DLGAP2: variants seen among roughly 807,000 people sequenced by gnomAD.
DLGAP2 encodes disks large-associated protein 2.
Under a neutral mutation model 100.3 loss-of-function variants are expected in DLGAP2, and 26 were observed. The observed-to-expected ratio is 0.26, with a 90% confidence interval of 0.19 to 0.36. DLGAP2 has a LOEUF of 0.36. Among genes scored for constraint, DLGAP2 ranks in the 10% least tolerant of loss-of-function variants. The pLI is 1.00. For synonymous variants in DLGAP2, 886 were observed against 630.1 expected (o/e 1.41, Z -6.08); for missense variants, 1,858 against 1,453.2 (o/e 1.28, Z -4.53).
At chr8:1,220,429 G>A (rs1339307346) in intron 2 of DLGAP2, among the ~76,000 whole-genome samples, 2 of 152,122 alleles carry the variant, frequency 1.3e-5, no homozygotes, top group African/African-American at 4.8e-5. Context: ...AATGTTCTTG[G>A]TGTTGATCTC....
At chr8:1,430,882 A>T (rs1374366288) in intron 3 of DLGAP2, among the ~76,000 whole-genome samples, 2 of 152,236 alleles carry the variant, frequency 1.3e-5, no homozygotes, top group East Asian at 3.8e-4. Flanking sequence ...ATTGGCAATA[A>T]TGAATGAATA....
At chr8:1,172,865 C>G (rs1474448564) in intron 2 of DLGAP2, among the ~76,000 whole-genome samples, 3 of 152,130 alleles carry the variant, frequency 2.0e-5, no homozygotes, top group African/African-American at 7.2e-5. Context: ...TCGTCTGAAC[C>G]CTTCTTCTCT....
intron 2 of DLGAP2, among the ~76,000 whole-genome samples, chr8:1,094,511 T>C (rs777258235): frequency 6.6e-6 from 1 of 152,234 alleles, no homozygotes; most frequent in Non-Finnish European, 1.5e-5. Flanking sequence ...TTTCTCTGTT[T>C]TGTGCTGAGG....
chr8:1,490,745 A>C (rs1055250084), intron 3 of DLGAP2, among the ~76,000 whole-genome samples: 6 of 152,160 alleles, frequency 3.9e-5, no homozygotes, highest in Non-Finnish European at 7.3e-5. Flanking sequence ...AATGAGCAGA[A>C]TCTCTGGGCT....
chr8:1,049,924 A>T (rs1266182040), intron 2 of DLGAP2, among the ~76,000 whole-genome samples: 1 of 152,240 alleles, frequency 6.6e-6, no homozygotes, highest in Non-Finnish European at 1.5e-5. Context: ...AGACACATGC[A>T]TATGTACACA....
intron 2 of DLGAP2, among the ~76,000 whole-genome samples, chr8:986,368 G>A (rs1269378448): frequency 1.3e-5 from 2 of 152,152 alleles, no homozygotes; most frequent in Non-Finnish European, 2.9e-5. Flanking sequence ...TGTGCAGAAC[G>A]TGCAGGTTTA....
intron 2 of DLGAP2, among the ~76,000 whole-genome samples, chr8:1,074,938 G>A (rs1394007413): frequency 6.6e-6 from 1 of 151,966 alleles, no homozygotes; most frequent in African/African-American, 2.4e-5. Context: ...GTTGGCAGGG[G>A]TGCAGCACAT....
intron 3 of DLGAP2, among the ~76,000 whole-genome samples, chr8:1,271,807 T>C (rs1331655309): frequency 6.6e-6 from 1 of 152,170 alleles, no homozygotes; most frequent in Non-Finnish European, 1.5e-5. Context: ...TTTTAATTTT[T>C]ATTTATTTAT....
At chr8:1,091,682 T>A (rs1804186889) in intron 2 of DLGAP2, among the ~76,000 whole-genome samples, 1 of 152,176 alleles carries the variant, frequency 6.6e-6, no homozygotes, top group Non-Finnish European at 1.5e-5. Context: ...GATCATGAGT[T>A]GGTGAAGCAG....
intron 3 of DLGAP2, among the ~76,000 whole-genome samples, chr8:1,471,734 G>T (rs1470271015): frequency 6.6e-6 from 1 of 152,128 alleles, no homozygotes; most frequent in Non-Finnish European, 1.5e-5. Context: ...GCTGGTGACG[G>T]ACCATGCTGT....
intron 8 of DLGAP2, among the ~76,000 whole-genome samples, chr8:1,648,893 G>T (rs1484722035): frequency 2.0e-5 from 3 of 152,148 alleles, no homozygotes; most frequent in Admixed American, 1.3e-4. Context: ...CACTTGAAAT[G>T]GGAAGAATTG....
intron 3 of DLGAP2, among the ~76,000 whole-genome samples, chr8:1,407,974 G>A (rs1286417226): frequency 6.6e-6 from 1 of 152,212 alleles, no homozygotes; most frequent in Non-Finnish European, 1.5e-5. Flanking sequence ...GGGGTGGGCT[G>A]TCCTGCACAG....
intron 3 of DLGAP2, among the ~76,000 whole-genome samples, chr8:1,489,993 G>A (rs911903841): frequency 6.6e-5 from 10 of 152,232 alleles, no homozygotes; most frequent in African/African-American, 2.4e-4. Context: ...TCAGGTTCAA[G>A]CAGTTCTCCT....
At chr8:879,310 T>C (rs1436339284) in intron 1 of DLGAP2, among the ~76,000 whole-genome samples, 1 of 152,184 alleles carries the variant, frequency 6.6e-6, no homozygotes, top group Non-Finnish European at 1.5e-5. Flanking sequence ...GAGAAGAAAT[T>C]TGTTTTGCTG....
At chr8:1,143,056 G>C (rs780554773) in intron 2 of DLGAP2, among the ~76,000 whole-genome samples, 3 of 152,216 alleles carry the variant, frequency 2.0e-5, no homozygotes, top group Non-Finnish European at 4.4e-5. Context: ...GGGCCTCAGG[G>C]TGTGGGACTG....
rs373622707 is a variant in DLGAP2, at chr8:1,111,515, C to T, written c.74-147336C>T. Among the ~76,000 whole-genome samples, 166 of 152,124 alleles carry T rather than the reference C, an allele frequency of 1.1e-3. 2 individuals carry two copies. The Middle Eastern group carries it at 0.031, about 28-fold the overall frequency. Reference sequence around the variant, plus strand: ...TTCATCACCCAGGTTTAATTAAGCCCGCTACTCAATAGTTATATTTCATGG... The same window carrying T: ...TTCATCACCCAGGTTTAATTAAGCCTGCTACTCAATAGTTATATTTCATGG... On this transcript the variant is annotated intron_variant, in intron 2 of 14. Coordinates refer to ENST00000637795, the MANE Select transcript of DLGAP2 (RefSeq NM_001346810.2).
intron 2 of DLGAP2, among the ~76,000 whole-genome samples, chr8:1,048,630 A>T (rs1802585609): frequency 6.6e-6 from 1 of 151,742 alleles, no homozygotes; most frequent in Admixed American, 6.6e-5. Context: ...TAATTTGAAT[A>T]AGCTGGGCTC....
chr8:1,523,352 C>A (rs1349222925), intron 4 of DLGAP2, among the ~76,000 whole-genome samples: 1 of 152,232 alleles, frequency 6.6e-6, no homozygotes, highest in African/African-American at 2.4e-5. Flanking sequence ...TCCCACTTCC[C>A]ACCCCGCGCC....
chr8:1,102,513 A>G (rs1018580976), intron 2 of DLGAP2, among the ~76,000 whole-genome samples: 5 of 151,974 alleles, frequency 3.3e-5, no homozygotes, highest in African/African-American at 4.8e-5. Context: ...GATTTGAGAG[A>G]GAGTAAATGT....
Sources: gnomAD v4.1 joint callset for allele counts (sites outside exome capture counted in the v4.1 genomes callset) on GRCh38, gnomAD v4.1.1 for gene constraint, MANE v1.5 for transcripts, NCBI Gene and HGNC (gene_info 2026-07-23, HGNC 2026-07-21) for gene names.